Variants in IL12B observed in about 807,000 individuals in gnomAD.
IL12B encodes interleukin-12 subunit beta.
Under a neutral mutation model 39.2 loss-of-function variants are expected in IL12B, and 27 were observed. The ratio of observed to expected loss-of-function variants is 0.69; its 90% confidence interval spans 0.51 to 0.95. IL12B has a LOEUF of 0.95. IL12B is among the 40% of genes least tolerant of loss of function. The probability of loss-of-function intolerance (pLI) is 0.00; values close to 1 mark genes in which losing one functional copy is unlikely to be tolerated. For missense variants in IL12B, 351 were observed against 397.6 expected, an observed-to-expected ratio of 0.88 and a Z score of 1.00; for synonymous variants, 142 against 152.1, an observed-to-expected ratio of 0.93 and a Z score of 0.49.
chr5:159,329,917 C>A (rs1014789674), intron 1 of IL12B, among the ~76,000 whole-genome samples: 11 of 152,090 alleles, frequency 7.2e-5, no homozygotes, highest in Non-Finnish European at 1.5e-4. Flanking sequence ...AATGGGGATC[C>A]CAGCTGTCAT....
Position 159,316,724 on chromosome 5 carries a change from G to A in IL12B, c.948C>T (p.Ser316=), listed in dbSNP as rs756372086. The A allele has an allele frequency of 3.1e-6, 5 of 1,613,934 alleles. No individual in the cohort carries two copies. Among genetic ancestry groups the A allele is most frequent in the African/African-American group, 1.3e-5 (1 of 74,934 alleles). Residue 316 remains serine, a synonymous_variant, in exon 7 of 8, where the codon AGC becomes AGT. Coordinates refer to ENST00000231228, the MANE Select transcript of IL12B (RefSeq NM_002187.3). ...CAGATGCCCATTCGCTCCAAGATGA[G>A]CTATAGTAGCGGTCCTGGGCCCGCA... ...ISVRAQDRYY[S]SSWSEWASVP...
At position 159,316,817 on chromosome 5, in the gene IL12B, C is replaced by T. The variant is rs769713143; in HGVS notation, c.856-1G>A. 6.2e-7 allele frequency: 1 copy of T among 1,613,938 alleles called. No individual in the cohort carries two copies. The highest frequency in any genetic ancestry group is 8.5e-7 in the Non-Finnish European group (1 of 1,180,014). ...TCTTGTCCGTGAAGACTCTATCTTT[C>T]TGCAAAAGAGAAGGAAAGCTGTGAA... On this transcript the variant is annotated splice_acceptor_variant, in intron 6 of 7. Coordinates refer to ENST00000231228, the MANE Select transcript of IL12B (RefSeq NM_002187.3). LOFTEE classifies it high-confidence loss of function.
chr5:159,320,199 A>C, intron 5 of IL12B, 107 bp downstream of exon 5: 1 of 932,666 alleles, frequency 1.1e-6, no homozygotes, highest in Non-Finnish European at 1.7e-6. Flanking sequence ...TGCAGAATAA[A>C]AGAGATGATG....
Position 159,323,304 on chromosome 5 carries a change from A to T in IL12B, c.114T>A (p.Tyr38Ter). 1 of 1,614,160 alleles carries T rather than the reference A, an allele frequency of 6.2e-7. No homozygotes were observed. The highest frequency in any genetic ancestry group is 8.5e-7 in the Non-Finnish European group (1 of 1,180,004). The change falls in exon 3 of 8, where the codon TAT becomes TAA. Residue 38 changes from tyrosine (Y) to a stop codon, truncating the protein, a stop_gained. Coordinates refer to ENST00000231228, the MANE Select transcript of IL12B (RefSeq NM_002187.3). LOFTEE classifies it high-confidence loss of function. ...CCACCATTTCTCCAGGGGCATCCGG[A>T]TACCAATCCAATTCTACGACATAAA... ...KDVYVVELDWYPDAPGEMVVL... is the reference protein window; with the variant it reads ...KDVYVVELDW
chr5:159,321,155 C>A (rs371019806), intron 4 of IL12B, among the ~76,000 whole-genome samples: 2 of 151,834 alleles, frequency 1.3e-5, no homozygotes, highest in Admixed American at 6.6e-5. Context: ...TGTGCCACCA[C>A]ACCCACCTAA....
At chr5:159,327,738 A>T (rs1384921023) in intron 1 of IL12B, among the ~76,000 whole-genome samples, 1 of 152,220 alleles carries the variant, frequency 6.6e-6, no homozygotes, top group Non-Finnish European at 1.5e-5. Context: ...AACCCCTGAA[A>T]ATCAAAGTGT....
chr5:159,316,686 T>C lies in IL12B; in HGVS notation c.986A>G (p.Ter329TrpextTer25). 1 of 1,612,320 alleles carries C rather than the reference T, an allele frequency of 6.2e-7. No homozygotes were observed. The highest frequency in any genetic ancestry group is 8.5e-7 in the Non-Finnish European group (1 of 1,179,408). ...GCTGGCCTTTGAGGGCCTGCTCACC[T>C]AACTGCAGGGCACAGATGCCCATTC... ...WSEWASVPCS[*>W] is the part of the protein sequence containing the mutation. Residue 329 changes from the stop codon to tryptophan (W), a stop_lost and splice_region_variant, in exon 7 of 8, where the codon TAG becomes TGG. Transcript: ENST00000231228.
Position 159,316,710 on chromosome 5 carries a change from T to A in IL12B, c.962A>T (p.Glu321Val). 6.2e-7 allele frequency: 1 copy of A among 1,613,700 alleles called. No homozygotes were observed. The highest frequency in any genetic ancestry group is 1.3e-5 in the African/African-American group (1 of 75,032). The change falls in exon 7 of 8, where the codon GAA (glutamate) becomes GTA (valine). Residue 321 changes from glutamate (E) to valine (V), a missense_variant. Transcript: ENST00000231228. Reference sequence around the variant, plus strand: ...CTAACTGCAGGGCACAGATGCCCATTCGCTCCAAGATGAGCTATAGTAGCG... The same window carrying A: ...CTAACTGCAGGGCACAGATGCCCATACGCTCCAAGATGAGCTATAGTAGCG... ...QDRYYSSSWS[E>V]WASVPCS
chr5:159,321,386 C>T (rs895861758), intron 4 of IL12B, among the ~76,000 whole-genome samples: 1 of 145,178 alleles, frequency 6.9e-6, no homozygotes, highest in Non-Finnish European at 1.5e-5. Flanking sequence ...CACACACACA[C>T]ATATGTATAC....
chr5:159,320,273 C>T (rs777479449), intron 5 of IL12B, 33 bp downstream of exon 5: 18 of 1,571,394 alleles, frequency 1.1e-5, no homozygotes, highest in Admixed American at 1.7e-5. Flanking sequence ...AGTATCTTTC[C>T]TTATGGAGCA....
rs998717007 is a variant in IL12B at position 159,314,957 on chromosome 5, T to G, written c.*1144A>C. On this transcript the variant is annotated 3_prime_UTR_variant, in exon 8 of 8. Transcript: ENST00000231228. ...AATTGTGTATCAGGTTCATTCATGC[T>G]AATGAGAAAGGGATTCCAGATTTTC... 1.3e-5 allele frequency: 2 copies of G among 152,372 alleles called. No individual in the cohort carries two copies. Among genetic ancestry groups the G allele is most frequent in the Admixed American group, 1.3e-4 (2 of 15,290 alleles). The allele number at this position is 152,372 out of a possible 1,614,324, so 9.4% of individuals were successfully genotyped here.
chr5:159,323,902 G>T (rs77500952), intron 2 of IL12B, among the ~76,000 whole-genome samples: 4 of 138,232 alleles, frequency 2.9e-5, no homozygotes, highest in Non-Finnish European at 6.3e-5. Context: ...AGGATTAAAT[G>T]AAAAAAAAAA....
At chr5:159,322,981 TTTG>T (rs949753757) in intron 3 of IL12B, 70 bp downstream of exon 3, 159 of 1,423,448 alleles carry the variant, frequency 1.1e-4, no homozygotes, top group Middle Eastern at 6.4e-4. Flanking sequence ...GGCTTTTCAA[TTTG>T]TTGTTGTTGT....
At chr5:159,324,569 T>C (rs1439936938) in intron 2 of IL12B, among the ~76,000 whole-genome samples, 1 of 152,238 alleles carries the variant, frequency 6.6e-6, no homozygotes, top group African/African-American at 2.4e-5. Context: ...CTCAAGTTTA[T>C]GAGTCACAGT....
rs777255655 is a variant in IL12B at position 159,322,428 on chromosome 5, T to C, written c.448A>G (p.Thr150Ala). The C allele has an allele frequency of 1.2e-6, 2 of 1,612,842 alleles. No homozygotes were observed. Among genetic ancestry groups the C allele is most frequent in the East Asian group, 2.2e-5 (1 of 44,894 alleles). The change falls in exon 4 of 8, where the codon ACT (threonine) becomes GCT (alanine). Residue 150 changes from threonine (T) to alanine (A), a missense_variant. Thr to Ala is a moderately conservative substitution (Grantham distance 58, BLOSUM62 0). Transcript: ENST00000231228. Reference sequence around the variant, plus strand: ...CTTTTGACACTGAATGTCAAATCAGTACTGATTGTCGTCAGCCACCAGCAG... The same window carrying C: ...CTTTTGACACTGAATGTCAAATCAGCACTGATTGTCGTCAGCCACCAGCAG... Reference protein sequence around the residue: ...FTCWWLTTISTDLTFSVKSSR... With the variant: ...FTCWWLTTISADLTFSVKSSR...
intron 1 of IL12B, among the ~76,000 whole-genome samples, chr5:159,328,415 G>A (rs761953432): frequency 1.3e-5 from 2 of 152,198 alleles, no homozygotes; most frequent in Non-Finnish European, 2.9e-5. Context: ...CAAGTTACTC[G>A]CTGAGCCTCA....
intron 2 of IL12B, among the ~76,000 whole-genome samples, chr5:159,324,525 G>A (rs1230872109): frequency 6.6e-6 from 1 of 152,204 alleles, no homozygotes; most frequent in African/African-American, 2.4e-5. Context: ...TTAGTTATAT[G>A]GTTCTTAAGC....
At chr5:159,319,601 G>A (rs1201554446) in intron 5 of IL12B, among the ~76,000 whole-genome samples, 1 of 152,228 alleles carries the variant, frequency 6.6e-6, no homozygotes. Context: ...CTCCTAGCAG[G>A]TGCTTCGCAC....
In IL12B at chr5:159,315,413, A is replaced by G. The variant is rs144366632; in HGVS notation, c.*688T>C. 1 of 152,182 alleles carries G rather than the reference A, an allele frequency of 6.6e-6. No individual in the cohort carries two copies. The highest frequency in any genetic ancestry group is 1.5e-5 in the Non-Finnish European group (1 of 67,992). 9.4% of individuals were successfully genotyped at this position (152,182 alleles called of 1,614,324 possible). The stretch of plus-strand genomic sequence containing the variant: ...CTTGTTATGTTTCCCAGGCTGGTCA[A>G]TCATTTTTTTCTAGCCCTTTTAAAA... On this transcript the variant is annotated 3_prime_UTR_variant, in exon 8 of 8. Coordinates refer to ENST00000231228, the MANE Select transcript of IL12B (RefSeq NM_002187.3).
Sources: gnomAD v4.1 joint callset for allele counts (sites outside exome capture counted in the v4.1 genomes callset) on GRCh38, gnomAD v4.1.1 for gene constraint, MANE v1.5 for transcripts, NCBI Gene and HGNC (gene_info 2026-07-23, HGNC 2026-07-21) for gene names.